Variants in NRG1 observed in about 807,000 individuals in gnomAD.
NRG1 encodes the protein pro-neuregulin-1, membrane-bound isoform.
A neutral mutation model predicts 63.8 loss-of-function variants in NRG1; 18 were observed. That is an observed-to-expected ratio of 0.28 (90% CI 0.19 to 0.42). NRG1 has a LOEUF of 0.42. Ranked by LOEUF, NRG1 falls within the 10% of genes least tolerant of loss-of-function variation. The pLI, the probability that NRG1 is intolerant of heterozygous loss-of-function variation, is 1.00. For missense variants in NRG1, 762 were observed against 814.7 expected, an observed-to-expected ratio of 0.94 and a Z score of 0.79; for synonymous variants, 302 against 301.3, an observed-to-expected ratio of 1.00 and a Z score of -0.02.
At chr8:32,481,619 G>T (rs541964658) in intron 1 of NRG1, among the ~76,000 whole-genome samples, 1 of 152,336 alleles carries the variant, frequency 6.6e-6, no homozygotes, top group Non-Finnish European at 1.5e-5. Flanking sequence ...TACAGCTAAT[G>T]GTTGCATTAT....
intron 1 of NRG1, among the ~76,000 whole-genome samples, chr8:31,752,935 C>G (rs1399581293): frequency 2.6e-5 from 4 of 151,996 alleles, no homozygotes; most frequent in African/African-American, 9.7e-5. Context: ...AACCAGTATT[C>G]TGATTTGTTG....
chr8:31,940,220 A>G (rs1260692440), intron 1 of NRG1, among the ~76,000 whole-genome samples: 3 of 152,180 alleles, frequency 2.0e-5, no homozygotes, highest in Non-Finnish European at 4.4e-5. Flanking sequence ...CTACAGTGGA[A>G]TAAAATTGCA....
intron 1 of NRG1, among the ~76,000 whole-genome samples, chr8:31,894,075 T>C (rs1016472186): frequency 3.4e-4 from 52 of 152,040 alleles, no homozygotes; most frequent in Admixed American, 1.2e-3. Context: ...ATATTTAAAA[T>C]TTTAATAGTC....
In NRG1 at chr8:32,370,196, A is replaced by G. The variant is rs184804912; in HGVS notation, c.38-225632A>G. On this transcript the variant is annotated intron_variant, in intron 1 of 10. Transcript: ENST00000519301. ...TTTTTCCTAAGTAAGCTTGAAAATC[A>G]TAGAGTGAATAGGAGAAACCAAAGA... 7.0e-4 allele frequency among the ~76,000 whole-genome samples: 106 copies of G among 152,340 alleles called. 1 individual carries two copies. Among genetic ancestry groups the G allele is most frequent in the African/African-American group, 2.4e-3 (98 of 41,586 alleles).
In NRG1 at chr8:32,401,143, G is replaced by T. The variant is rs925405401; in HGVS notation, c.38-194685G>T. On this transcript the variant is annotated intron_variant, in intron 1 of 10. Coordinates refer to the NRG1 transcript ENST00000519301. ...ACGACAGACACTGGGGCCTACTTGA[G>T]GGTGGAGGGTGGGAGGAGGGAGAAG... 4.6e-5 allele frequency among the ~76,000 whole-genome samples: 7 copies of T among 152,204 alleles called. No homozygotes were observed. In the South Asian group the frequency reaches 6.2e-4, roughly 14 times the overall value.
chr8:32,756,551 G>GA, intron 9 of NRG1, 22 bp downstream of exon 9: 3 of 1,593,170 alleles, frequency 1.9e-6, no homozygotes, highest in Non-Finnish European at 2.6e-6. Context: ...CTGGCCAGTG[G>GA]AAAAAACTGA....
At chr8:31,937,741 C>G (rs961863888) in intron 1 of NRG1, among the ~76,000 whole-genome samples, 1 of 152,264 alleles carries the variant, frequency 6.6e-6, no homozygotes, top group Admixed American at 6.5e-5. Flanking sequence ...CCTGTGATTG[C>G]TGGCTTTCCC....
chr8:32,366,622 T>C (rs1356446974), intron 1 of NRG1, among the ~76,000 whole-genome samples: 1 of 149,512 alleles, frequency 6.7e-6, no homozygotes, highest in African/African-American at 2.5e-5. Context: ...ATCCATAATA[T>C]ATGTATATAT....
chr8:32,305,752 G>A (rs1399722884), intron 1 of NRG1, among the ~76,000 whole-genome samples: 1 of 152,124 alleles, frequency 6.6e-6, no homozygotes, highest in African/African-American at 2.4e-5. Context: ...CTGTGCTTTG[G>A]TCCAGGGGAT....
intron 3 of NRG1, among the ~76,000 whole-genome samples, chr8:32,606,035 A>G (rs1215495496): frequency 1.3e-5 from 2 of 151,378 alleles, no homozygotes; most frequent in Non-Finnish European, 2.9e-5. Flanking sequence ...AGTCATATAT[A>G]TATACAGGAT....
chr8:32,548,918 T>A, intron 1 of NRG1, 92 bp downstream of exon 1: 1 of 1,422,758 alleles, frequency 7.0e-7, no homozygotes, highest in Non-Finnish European at 9.3e-7. Context: ...TCCCTCCCCC[T>A]CTCCCTCGCC....
chr8:32,013,015 A>G (rs192109023), intron 1 of NRG1, among the ~76,000 whole-genome samples: 33 of 152,198 alleles, frequency 2.2e-4, no homozygotes, highest in Admixed American at 1.8e-3. Context: ...AACATCCCTA[A>G]TGGGAATTTT....
chr8:31,646,219 A>T lies in NRG1; in HGVS notation c.37+6788A>T, dbSNP rs535859712. On this transcript the variant is annotated intron_variant, in intron 1 of 10. Coordinates refer to the NRG1 transcript ENST00000519301. ...AAAGCCCAAGGCTCTGTCTTTGGAC[A>T]TCTGCCCTGGCTTGCTGGGAACAAG... Among the ~76,000 whole-genome samples, 4 of 152,234 alleles carry T rather than the reference A, an allele frequency of 2.6e-5. No individual in the cohort carries two copies. The South Asian group carries it at 8.3e-4, about 31-fold the overall frequency.
At chr8:32,174,514 A>G (rs561053666) in intron 1 of NRG1, among the ~76,000 whole-genome samples, 27 of 152,312 alleles carry the variant, frequency 1.8e-4, no homozygotes, top group Non-Finnish European at 2.1e-4. Flanking sequence ...AGAGACACAA[A>G]AAACCCTTCA....
intron 1 of NRG1, chr8:32,171,250 A>G (rs1005634597): frequency 6.6e-6 from 1 of 152,206 alleles, no homozygotes; most frequent in African/African-American, 2.4e-5. Flanking sequence ...TTTTAATTTT[A>G]AGTTCTGGGA....
intron 1 of NRG1, among the ~76,000 whole-genome samples, chr8:32,454,558 C>T (rs944092848): frequency 6.7e-6 from 1 of 148,682 alleles, no homozygotes; most frequent in African/African-American, 2.5e-5. Context: ...TGTGCCCAGT[C>T]CTCTTCCCAT....
intron 5 of NRG1, among the ~76,000 whole-genome samples, chr8:32,617,722 A>G (rs1296651278): frequency 1.3e-5 from 2 of 152,148 alleles, no homozygotes; most frequent in African/African-American, 2.4e-5. Flanking sequence ...GTTCCTAGTT[A>G]TTCTATTTCG....
intron 1 of NRG1, among the ~76,000 whole-genome samples, chr8:32,283,568 A>G (rs926525548): frequency 1.9e-4 from 29 of 152,230 alleles, no homozygotes; most frequent in Non-Finnish European, 3.5e-4. Flanking sequence ...CAAAGGTAGT[A>G]CAAAACATCA....
chr8:32,355,519 G>T (rs543012492), intron 1 of NRG1, among the ~76,000 whole-genome samples: 6 of 151,968 alleles, frequency 3.9e-5, no homozygotes, highest in Non-Finnish European at 8.8e-5. Context: ...TAAAAGAAAA[G>T]GATATATCCT....
Sources: gnomAD v4.1 joint callset for allele counts (sites outside exome capture counted in the v4.1 genomes callset) on GRCh38, gnomAD v4.1.1 for gene constraint, MANE v1.5 for transcripts, NCBI Gene and HGNC (gene_info 2026-07-23, HGNC 2026-07-21) for gene names.